Variants in DERA observed in about 807,000 individuals in gnomAD.
DERA encodes the protein deoxyribose-phosphate aldolase.
Under a neutral mutation model 41.1 loss-of-function variants are expected in DERA, and 15 were observed. The ratio of observed to expected loss-of-function variants is 0.37; its 90% CI spans 0.24 to 0.56. The LOEUF is 0.56. DERA is among the 20% of genes least tolerant of loss of function. The pLI is 0.81. For missense variants in DERA, 396 were observed against 403.4 expected, an observed-to-expected ratio of 0.98 and a Z score of 0.16; for synonymous variants, 139 against 137.4, an observed-to-expected ratio of 1.01 and a Z score of -0.08.
At position 15,959,340 on chromosome 12, in the gene DERA, G is replaced by A. The variant is rs974121440; in HGVS notation, c.278-489G>A. On this transcript the variant is annotated intron_variant, in intron 3 of 8. Transcript: ENST00000428559. The surrounding 1 kb of genome is among the most constrained non-coding windows in gnomAD (Gnocchi z 4.5). The stretch of plus-strand genomic sequence containing the variant: ...CTTATTTCTTAAAATCAGGGCTTCC[G>A]TTTCAGATTTTATTATTTCTTGCAA... Among the ~76,000 whole-genome samples the A allele has an allele frequency of 4.6e-5, 7 of 152,030 alleles. No individual in the cohort carries two copies. The highest frequency in any genetic ancestry group is 1.3e-4 in the Admixed American group (2 of 15,258).
chr12:15,953,487 TG>T, intron 1 of DERA, among the ~76,000 whole-genome samples: 1 of 152,214 alleles, frequency 6.6e-6, no homozygotes, highest in East Asian at 1.9e-4. Context: ...GAAGAGTATT[TG>T]AGGACAAATT....
In DERA at chr12:15,922,120, G is replaced by GAAA. The variant is rs1948248880; in HGVS notation, c.31+10707_31+10709dup. Among the ~76,000 whole-genome samples, 1 of 152,074 alleles carries GAAA rather than the reference G, an allele frequency of 6.6e-6. No individual in the cohort carries two copies. The highest frequency in any genetic ancestry group is 1.5e-5 in the Non-Finnish European group (1 of 68,024). On this transcript the variant is annotated intron_variant, in intron 1 of 8. Transcript: ENST00000428559. This position sits in a 1 kb window ranked among gnomAD's most constrained non-coding sequence, Gnocchi z 4.9. ...AACTCATCACTGTCCATGTCTTTGT[G>GAAA]AAAGCTATAAGAGCAATAGAACTTA...
rs188107571 is a variant in DERA, at chr12:15,990,395, A to G, written c.637+7959A>G. 1.4e-4 allele frequency among the ~76,000 whole-genome samples: 21 copies of G among 152,298 alleles called. No individual in the cohort carries two copies. The highest frequency in any genetic ancestry group is 1.4e-3 in the Admixed American group (21 of 15,302). On this transcript the variant is annotated intron_variant, in intron 6 of 8. Coordinates refer to ENST00000428559, the MANE Select transcript of DERA (RefSeq NM_015954.4). The surrounding 1 kb of genome is among the most constrained non-coding windows in gnomAD (Gnocchi z 4.3). ...ACAATTAGATGTGGTCTAGTTAATGATATGTTTGTGGTACGCTACTTTCCA... is the reference window on the plus strand; with the variant it reads ...ACAATTAGATGTGGTCTAGTTAATGGTATGTTTGTGGTACGCTACTTTCCA...
At chr12:15,937,523 A>C (rs1364354965) in intron 1 of DERA, among the ~76,000 whole-genome samples, 1 of 152,200 alleles carries the variant, frequency 6.6e-6, no homozygotes, top group African/African-American at 2.4e-5. Flanking sequence ...TACCATGTGA[A>C]TGTCTCATTT....
chr12:16,024,766 C>T (rs1949042349), intron 6 of DERA, among the ~76,000 whole-genome samples: 1 of 151,878 alleles, frequency 6.6e-6, no homozygotes. Context: ...AAGCTTTGAT[C>T]TGCATTTAAA....
chr12:15,985,772 A>T lies in DERA; in HGVS notation c.637+3336A>T, dbSNP rs1038705985. Among the ~76,000 whole-genome samples the T allele has an allele frequency of 6.6e-6, 1 of 152,110 alleles. No individual in the cohort carries two copies. The highest frequency in any genetic ancestry group is 2.4e-5 in the African/African-American group (1 of 41,424). ...GAATCTTTTGTCTTTTGGAATTAAC[A>T]GTTATTTTGTAGCTCATTTTATGGT... is the stretch of plus-strand genomic sequence containing the variant. On this transcript the variant is annotated intron_variant, in intron 6 of 8. Coordinates refer to ENST00000428559, the MANE Select transcript of DERA (RefSeq NM_015954.4). The surrounding 1 kb of genome is among the most constrained non-coding windows in gnomAD (Gnocchi z 4.2).
At chr12:16,022,240 T>G (rs1949021279) in intron 6 of DERA, among the ~76,000 whole-genome samples, 1 of 152,094 alleles carries the variant, frequency 6.6e-6, no homozygotes, top group Non-Finnish European at 1.5e-5. Flanking sequence ...TGTGGCACCT[T>G]CCCTCTCTCT....
Position 16,021,729 on chromosome 12 carries a change from AG to A in DERA, c.638-10812del, listed in dbSNP as rs1190064191. Among the ~76,000 whole-genome samples, 2 of 152,212 alleles carry A rather than the reference AG, an allele frequency of 1.3e-5. No homozygotes were observed. Among genetic ancestry groups the A allele is most frequent in the African/African-American group, 2.4e-5 (1 of 41,460 alleles). ...CAAAGGAGATTATTTTGGAGCTTTA[AG>A]ACTTAATGACTGCCCTGCTGAGTTT... On this transcript the variant is annotated intron_variant, in intron 6 of 8. Coordinates refer to ENST00000428559, the MANE Select transcript of DERA (RefSeq NM_015954.4). The surrounding 1 kb of genome is among the most constrained non-coding windows in gnomAD (Gnocchi z 5.3).
In DERA at chr12:16,000,522, A is replaced by C. The variant is rs554268600; in HGVS notation, c.637+18086A>C. On this transcript the variant is annotated intron_variant, in intron 6 of 8. Coordinates refer to ENST00000428559, the MANE Select transcript of DERA (RefSeq NM_015954.4). This position sits in a 1 kb window ranked among gnomAD's most constrained non-coding sequence, Gnocchi z 4.8. ...TGCTTTGCTTTACCAGTGACCCAAG[A>C]ATGAGTGTTATAGTATGCTTTTTGT... 1.3e-5 allele frequency among the ~76,000 whole-genome samples: 2 copies of C among 152,332 alleles called. No individual in the cohort carries two copies. The highest frequency in any genetic ancestry group is 6.5e-5 in the Admixed American group (1 of 15,296).
chr12:15,925,886 GGCACGA>G (rs1948278847), intron 1 of DERA, among the ~76,000 whole-genome samples: 1 of 132,392 alleles, frequency 7.6e-6, no homozygotes, highest in African/African-American at 2.9e-5. Flanking sequence ...GGAGTACAAT[GGCACGA>G]TCTCGGCTCA....
chr12:16,008,727 G>A lies in DERA; in HGVS notation c.638-23815G>A, dbSNP rs1031415243. Among the ~76,000 whole-genome samples the A allele has an allele frequency of 6.6e-6, 1 of 152,158 alleles. No individual in the cohort carries two copies. Among genetic ancestry groups the A allele is most frequent in the East Asian group, 1.9e-4 (1 of 5,194 alleles). ...CATCATTAGTGTCAGGATTGGGGCC[G>A]CTCTTGGCATTTCTCTCGTGGTTAC... On this transcript the variant is annotated intron_variant, in intron 6 of 8. Coordinates refer to ENST00000428559, the MANE Select transcript of DERA (RefSeq NM_015954.4). This position sits in a 1 kb window ranked among gnomAD's most constrained non-coding sequence, Gnocchi z 4.8.
chr12:16,009,774 G>C lies in DERA; in HGVS notation c.638-22768G>C, dbSNP rs1472000271. Among the ~76,000 whole-genome samples the C allele has an allele frequency of 2.0e-5, 3 of 152,080 alleles. No homozygotes were observed. Among genetic ancestry groups the C allele is most frequent in the African/African-American group, 7.2e-5 (3 of 41,424 alleles). On this transcript the variant is annotated intron_variant, in intron 6 of 8. Coordinates refer to ENST00000428559, the MANE Select transcript of DERA (RefSeq NM_015954.4). The surrounding 1 kb of genome is among the most constrained non-coding windows in gnomAD (Gnocchi z 5.3). ...TAGAAGACTCTAACATGTACTCTAA[G>C]GGGAGGAAATAAATGCCACACTCAA...
rs1159350376 is a variant in DERA, at chr12:16,036,097, C to T, written c.751-135C>T. 1.2e-6 allele frequency: 1 copy of T among 806,030 alleles called. No individual in the cohort carries two copies. The highest frequency in any genetic ancestry group is 1.8e-5 in the African/African-American group (1 of 55,312). 49.9% of individuals were successfully genotyped at this position (806,030 alleles called of 1,614,324 possible). On this transcript the variant is annotated intron_variant, in intron 7 of 8. Coordinates refer to ENST00000428559, the MANE Select transcript of DERA (RefSeq NM_015954.4). The surrounding 1 kb of genome is among the most constrained non-coding windows in gnomAD (Gnocchi z 4.9). Reference sequence around the variant, plus strand: ...CATGAGTCACTGATCTAAGCCCTTTCACTGGATGAAGTGAAAAGATTTTTT... The same window carrying T: ...CATGAGTCACTGATCTAAGCCCTTTTACTGGATGAAGTGAAAAGATTTTTT...
chr12:15,971,508 CTTTTTTTTTTTT>C (rs56142412), intron 5 of DERA, among the ~76,000 whole-genome samples: 1 of 97,062 alleles, frequency 1.0e-5, no homozygotes, highest in East Asian at 4.0e-4. Flanking sequence ...TATCTCAACT[CTTTTTTTTTTTT>C]TTTTTTTTTT....
chr12:15,977,918 T>G (rs74871052), intron 5 of DERA, among the ~76,000 whole-genome samples: 2,749 of 152,216 alleles, frequency 0.018, 90 homozygotes, highest in African/African-American at 0.063. Flanking sequence ...TCATGAAAAA[T>G]TTTTTGGAAA....
intron 6 of DERA, among the ~76,000 whole-genome samples, chr12:16,024,532 A>G (rs927305747): frequency 2.6e-5 from 4 of 152,194 alleles, no homozygotes; most frequent in Non-Finnish European, 4.4e-5. Context: ...AAACCCAACA[A>G]CATGGAATTC....
intron 1 of DERA, among the ~76,000 whole-genome samples, chr12:15,950,864 C>T (rs1355931889): frequency 6.6e-6 from 1 of 152,234 alleles, no homozygotes; most frequent in African/African-American, 2.4e-5. Context: ...TTCAGCACTG[C>T]TCACTCTCTA....
rs56142652 is a variant in DERA at position 15,985,581 on chromosome 12, CTTTTCAGTGA to C, written c.637+3146_637+3155del. Among the ~76,000 whole-genome samples the C allele has an allele frequency of 0.57, 85,367 of 150,938 alleles. 24,877 individuals carry two copies. The highest frequency in any genetic ancestry group is 0.69 in the East Asian group (3,513 of 5,102). On this transcript the variant is annotated intron_variant, in intron 6 of 8. Coordinates refer to ENST00000428559, the MANE Select transcript of DERA (RefSeq NM_015954.4). The surrounding 1 kb of genome is among the most constrained non-coding windows in gnomAD (Gnocchi z 4.2). ...TTATTTTGTTGTTTTTTTTTCATTA[CTTTTCAGTGA>C]AAGTTATTTTCTAATTTCCCTTGTG...
chr12:16,010,727 A>G lies in DERA; in HGVS notation c.638-21815A>G, dbSNP rs1402814574. On this transcript the variant is annotated intron_variant, in intron 6 of 8. Coordinates refer to ENST00000428559, the MANE Select transcript of DERA (RefSeq NM_015954.4). The surrounding 1 kb of genome is among the most constrained non-coding windows in gnomAD (Gnocchi z 5.5). ...TCCATATAGTAAATGCTTTCCATTC[A>G]GGGCTGTTTGAAAGTTCACCTGTCT... is the stretch of plus-strand genomic sequence containing the variant. Among the ~76,000 whole-genome samples the G allele has an allele frequency of 1.3e-5, 2 of 152,130 alleles. No individual in the cohort carries two copies. Among genetic ancestry groups the G allele is most frequent in the East Asian group, 3.9e-4 (2 of 5,164 alleles).
Sources: gnomAD v4.1 joint callset for allele counts (sites outside exome capture counted in the v4.1 genomes callset) on GRCh38, gnomAD v4.1.1 for gene constraint, Gnocchi (gnomAD v3.1) non-coding constraint, MANE v1.5 for transcripts, NCBI Gene and HGNC (gene_info 2026-07-23, HGNC 2026-07-21) for gene names.